WNK1: variants seen among roughly 807,000 people sequenced by gnomAD.
WNK1 encodes the protein WNK lysine deficient protein kinase 1, also known as serine/threonine-protein kinase WNK1.
Under a neutral mutation model 222.8 loss-of-function variants are expected in WNK1, and 38 were observed. The ratio of observed to expected loss-of-function variants is 0.17; its 90% CI spans 0.13 to 0.22. WNK1 has a LOEUF of 0.22. Among genes scored for constraint, WNK1 ranks in the 10% least tolerant of loss-of-function variants. WNK1 has a pLI of 1.00. For missense variants in WNK1, 2,348 were observed against 2,918.4 expected (o/e 0.80, Z 4.50); for synonymous variants, 1,090 against 1,092.9 (o/e 1.00, Z 0.05).
intron 4 of WNK1, among the ~76,000 whole-genome samples, chr12:830,863 A>G (rs548576290): frequency 2.0e-5 from 3 of 152,374 alleles, no homozygotes; most frequent in East Asian, 1.9e-4. Flanking sequence ...CATTGTTTCA[A>G]AAATGTCCGT....
chr12:780,010 T>C (rs1943539758), intron 1 of WNK1, among the ~76,000 whole-genome samples: 1 of 152,222 alleles, frequency 6.6e-6, no homozygotes. Flanking sequence ...AGTTGCTTAA[T>C]GGGTAATGTT....
chr12:851,742 C>T (rs756027528), intron 4 of WNK1: 2 of 1,346,690 alleles, frequency 1.5e-6, no homozygotes, highest in Non-Finnish European at 2.0e-6. Flanking sequence ...ATCATAAATT[C>T]TCATTGCTGC....
At chr12:832,265 T>TG (rs1298752637) in intron 4 of WNK1, among the ~76,000 whole-genome samples, 1 of 152,022 alleles carries the variant, frequency 6.6e-6, no homozygotes, top group East Asian at 1.9e-4. Flanking sequence ...TTAGTAGAGA[T>TG]GGGGTTTCAC....
intron 26 of WNK1, among the ~76,000 whole-genome samples, chr12:907,479 C>T (rs1021132595): frequency 2.6e-5 from 4 of 152,212 alleles, no homozygotes; most frequent in African/African-American, 9.7e-5. Context: ...AATTCCAGAG[C>T]AACTAGCCTT....
At chr12:889,044 A>G in intron 20 of WNK1, 96 bp from the exon 21 acceptor site, 2 of 924,004 alleles carry the variant, frequency 2.2e-6, no homozygotes, top group Admixed American at 1.7e-5. Context: ...TTGTGCCAAT[A>G]TAAAGCATAA....
At chr12:782,874 T>C (rs1337830945) in intron 1 of WNK1, among the ~76,000 whole-genome samples, 1 of 151,956 alleles carries the variant, frequency 6.6e-6, no homozygotes, top group Non-Finnish European at 1.5e-5. Flanking sequence ...ATGTTTCATA[T>C]AACCCAATAT....
intron 13 of WNK1, 48 bp downstream of exon 13, chr12:881,837 A>G (rs779277050): frequency 1.9e-6 from 3 of 1,613,642 alleles, no homozygotes; most frequent in Non-Finnish European, 2.5e-6. Context: ...ATAAGACGGT[A>G]TGAAACGCCA....
intron 1 of WNK1, among the ~76,000 whole-genome samples, chr12:768,690 A>C (rs148215052): frequency 0.01 from 1,551 of 152,322 alleles, 29 homozygotes; most frequent in African/African-American, 0.035. Context: ...ATACCTCATT[A>C]ATGTTTTAAA....
intron 26 of WNK1, chr12:906,630 A>G (rs1955724519): frequency 3.0e-6 from 3 of 985,326 alleles, no homozygotes; most frequent in Non-Finnish European, 3.6e-6. Flanking sequence ...TACTCATGGG[A>G]AATTGGGAGA....
At chr12:907,684 C>A in intron 26 of WNK1, 163 bp from the exon 27 acceptor site, 1 of 880,660 alleles carries the variant, frequency 1.1e-6, no homozygotes, top group Non-Finnish European at 1.9e-6. Context: ...TATACCAAAA[C>A]AAATGGCTAA....
intron 10 of WNK1, 97 bp from the exon 11 acceptor site, chr12:879,476 T>TTTGGCTAATACATAAATC: frequency 3.8e-6 from 3 of 780,472 alleles, no homozygotes; most frequent in Non-Finnish European, 3.9e-6. Context: ...TTTCCTTCTT[T>TTTGGCTAATACATAAATC]TTGGCTAATA....
intron 1 of WNK1, 30 bp downstream of exon 1, chr12:754,354 C>A: frequency 6.2e-7 from 1 of 1,612,898 alleles, no homozygotes; most frequent in South Asian, 1.1e-5. Context: ...ATTTGACGGT[C>A]CTTTGGATCC....
chr12:861,454 T>G, intron 7 of WNK1, 111 bp downstream of exon 7: 1 of 981,146 alleles, frequency 1.0e-6, no homozygotes, highest in South Asian at 1.4e-5. Context: ...ATCCTACTAT[T>G]ATACAAAATT....
chr12:798,357 A>G (rs1050479796), intron 1 of WNK1, among the ~76,000 whole-genome samples: 1 of 151,818 alleles, frequency 6.6e-6, no homozygotes, highest in African/African-American at 2.4e-5. Flanking sequence ...ACGCCCGGCT[A>G]ATTTTTTATA....
In WNK1 at chr12:885,956, C is replaced by T; in HGVS notation, c.5152C>T (p.Leu1718=). 1.9e-6 allele frequency: 3 copies of T among 1,594,172 alleles called. No individual in the cohort carries two copies. The highest frequency in any genetic ancestry group is 1.7e-6 in the Non-Finnish European group (2 of 1,170,552). The part of the protein sequence containing the change: ...STCLPPTNLP[L]GTVALPVTPV... Reference sequence around the variant, plus strand: ...TTGCTTACCACCAACCAATTTACCACTAGGAACAGTTGCTTTGCCAGTTAC... The same window carrying T: ...TTGCTTACCACCAACCAATTTACCATTAGGAACAGTTGCTTTGCCAGTTAC... Residue 1718 remains leucine, a synonymous_variant, in exon 19 of 28, where the codon CTA becomes TTA. Transcript: ENST00000315939.
At chr12:844,093 C>A (rs193252809) in intron 4 of WNK1, among the ~76,000 whole-genome samples, 42 of 151,984 alleles carry the variant, frequency 2.8e-4, no homozygotes, top group African/African-American at 9.6e-4. Flanking sequence ...TGCATTTTTT[C>A]TGCCTTTTTG....
chr12:900,055 C>T (rs1385289801), intron 25 of WNK1, among the ~76,000 whole-genome samples: 11 of 121,720 alleles, frequency 9.0e-5, no homozygotes, highest in Non-Finnish European at 1.1e-4. Flanking sequence ...GGCATGATGT[C>T]GGCTCACTGC....
chr12:772,786 A>G (rs1942684980), intron 1 of WNK1, among the ~76,000 whole-genome samples: 1 of 152,188 alleles, frequency 6.6e-6, no homozygotes, highest in Non-Finnish European at 1.5e-5. Context: ...TTGATATATT[A>G]CAAAGCTAAA....
rs111327474 is a variant in WNK1 at position 859,631 on chromosome 12, T to TGTGTGTGTGTGTGTGTG, written c.1620+169_1620+170insGTGTGTGTGTGTGTGGT. 6.2e-5 allele frequency among the ~76,000 whole-genome samples: 5 copies of TGTGTGTGTGTGTGTGTG among 80,956 alleles called. 1 individual carries two copies. The highest frequency in any genetic ancestry group is 2.2e-4 in the African/African-American group (5 of 22,246). 53.1% of individuals were successfully genotyped at this position (80,956 alleles called of 152,430 possible). A position where few individuals can be genotyped will look rare whatever the true frequency, so the allele number is the denominator to read the frequency against. Reference sequence around the variant, plus strand: ...GATTAGTGGGATTTTCGTGTGTGTGTGTTTTTTTTTTTTTTAAACTTCTTT... The same window carrying TGTGTGTGTGTGTGTGTG: ...GATTAGTGGGATTTTCGTGTGTGTGTGTGTGTGTGTGTGTGTGGTTTTTTTTTTTTTTAAACTTCTTT... On this transcript the variant is annotated intron_variant, in intron 6 of 27. Coordinates refer to ENST00000315939, the MANE Select transcript of WNK1 (RefSeq NM_018979.4).
Sources: gnomAD v4.1 joint callset for allele counts (sites outside exome capture counted in the v4.1 genomes callset) on GRCh38, gnomAD v4.1.1 for gene constraint, MANE v1.5 for transcripts, NCBI Gene and HGNC (gene_info 2026-07-23, HGNC 2026-07-21) for gene names.